Variants in CFAP100 observed in about 807,000 individuals in gnomAD.
CFAP100 encodes the protein cilia and flagella associated protein 100.
A neutral mutation model predicts 81.5 loss-of-function variants in CFAP100; 70 were observed. The ratio of observed to expected loss-of-function variants is 0.86; its 90% CI spans 0.71 to 1.05. The LOEUF (loss-of-function observed/expected upper bound fraction) is 1.05. Ranked by LOEUF, CFAP100 falls within the 50% of genes least tolerant of loss-of-function variation. The pLI is 0.00. For missense variants in CFAP100, 811 were observed against 776.5 expected, an observed-to-expected ratio of 1.04 and a Z score of -0.53; for synonymous variants, 341 against 314.8, an observed-to-expected ratio of 1.08 and a Z score of -0.88.
At chr3:126,432,352 C>T (rs1003727278) in intron 13 of CFAP100, among the ~76,000 whole-genome samples, 5 of 150,036 alleles carry the variant, frequency 3.3e-5, no homozygotes, top group South Asian at 4.2e-4. Context: ...GATATATATT[C>T]GTGAGAATTG....
chr3:126,430,661 A>C (rs1042033812), intron 13 of CFAP100, among the ~76,000 whole-genome samples: 1 of 150,114 alleles, frequency 6.7e-6, no homozygotes, highest in Non-Finnish European at 1.5e-5. Context: ...CATGTGACCT[A>C]TCTCTGAGTT....
intron 2 of CFAP100, 49 bp downstream of exon 2, chr3:126,396,098 G>A (rs374571632): frequency 2.6e-5 from 38 of 1,449,738 alleles, no homozygotes; most frequent in Middle Eastern, 1.7e-4. Flanking sequence ...GGGCAGCTTC[G>A]GAGCCTGTCC....
chr3:126,431,762 TTTG>T (rs1933239795), intron 13 of CFAP100, among the ~76,000 whole-genome samples: 1 of 152,146 alleles, frequency 6.6e-6, no homozygotes, highest in East Asian at 1.9e-4. Flanking sequence ...TTGCCATCCA[TTTG>T]TTGAAGAAAC....
intron 4 of CFAP100, among the ~76,000 whole-genome samples, chr3:126,415,332 A>G (rs1285216887): frequency 1.2e-4 from 1 of 8,244 alleles, no homozygotes; most frequent in African/African-American, 5.4e-4. Context: ...ACCCTCCCCC[A>G]CCCAGCAGGG....
intron 2 of CFAP100, among the ~76,000 whole-genome samples, chr3:126,404,948 C>T (rs960665651): frequency 6.6e-6 from 1 of 152,190 alleles, no homozygotes; most frequent in Admixed American, 6.5e-5. Flanking sequence ...GGATTACAGG[C>T]GTGAGCCACC....
At chr3:126,407,457 A>T (rs570827020) in intron 3 of CFAP100, among the ~76,000 whole-genome samples, 20 of 152,314 alleles carry the variant, frequency 1.3e-4, no homozygotes, top group African/African-American at 4.6e-4. Flanking sequence ...GAAATGTGGG[A>T]CGAAATGCAG....
intron 4 of CFAP100, among the ~76,000 whole-genome samples, chr3:126,414,632 C>T (rs759358057): frequency 1.5e-4 from 23 of 152,248 alleles, no homozygotes; most frequent in Admixed American, 6.5e-5. Context: ...CACACACAGC[C>T]GCCCACGGCA....
Position 126,434,262 on chromosome 3 carries a change from C to G in CFAP100, c.1509C>G (p.Thr503=). The change falls in exon 15 of 17, where the codon ACC becomes ACG. Residue 503 remains threonine (T), a synonymous_variant. Coordinates refer to ENST00000352312, the MANE Select transcript of CFAP100 (RefSeq NM_182628.3). The part of the protein sequence containing the change: ...TGTQQEANLG[T]VQMLTIIEHQ... ...CCCAGCAGGAGGCCAACCTGGGCAC[C>G]GTGCAGATGCTGACCATCATTGAGC... 6.2e-7 allele frequency: 1 copy of G among 1,614,010 alleles called. No individual in the cohort carries two copies. Among genetic ancestry groups the G allele is most frequent in the Non-Finnish European group, 8.5e-7 (1 of 1,180,026 alleles).
At chr3:126,431,883 A>G (rs1383307609) in intron 13 of CFAP100, among the ~76,000 whole-genome samples, 2 of 152,104 alleles carry the variant, frequency 1.3e-5, no homozygotes, top group Non-Finnish European at 2.9e-5. Context: ...GTCAAGGCCT[A>G]AGACTCTGCA....
At chr3:126,419,032 G>T (rs577561358) in intron 7 of CFAP100, 44 bp from the exon 8 acceptor site, 2 of 1,140,002 alleles carry the variant, frequency 1.8e-6, no homozygotes, top group African/African-American at 1.5e-5. Flanking sequence ...GGCTGCCACT[G>T]GCCCCTTGCC....
chr3:126,397,168 A>G (rs1576609604), intron 2 of CFAP100, among the ~76,000 whole-genome samples: 1 of 152,226 alleles, frequency 6.6e-6, no homozygotes, highest in Admixed American at 6.5e-5. Context: ...TTATCAATAC[A>G]TCAAGAATTC....
chr3:126,417,794 A>G (rs1266873223), intron 5 of CFAP100, among the ~76,000 whole-genome samples: 1 of 152,226 alleles, frequency 6.6e-6, no homozygotes, highest in Non-Finnish European at 1.5e-5. Flanking sequence ...CCTGGAGAGG[A>G]AAGGGTGTGA....
chr3:126,432,486 G>A (rs1465215683), intron 13 of CFAP100, among the ~76,000 whole-genome samples: 2 of 152,100 alleles, frequency 1.3e-5, no homozygotes, highest in Non-Finnish European at 1.5e-5. Flanking sequence ...TGTGGCCTAC[G>A]TATGCAATGG....
In CFAP100 at chr3:126,429,107, CAAAAAAAAAAAA is replaced by C. The variant is rs57773311; in HGVS notation, c.1287-3946_1287-3935del. On this transcript the variant is annotated intron_variant, in intron 13 of 16. Coordinates refer to ENST00000352312, the MANE Select transcript of CFAP100 (RefSeq NM_182628.3). ...CTGGGTGATAGAGTGCGTCTCCATC[CAAAAAAAAAAAA>C]AAAAAAAAAAAAAAAGAAAGGATTA... Among the ~76,000 whole-genome samples, 32 of 95,768 alleles carry C rather than the reference CAAAAAAAAAAAA, an allele frequency of 3.3e-4. No homozygotes were observed. In the East Asian group the frequency reaches 6.0e-3, roughly 18 times the overall value. The allele number at this position is 95,768 out of a possible 152,430, so 62.8% of individuals were successfully genotyped here.
At chr3:126,400,751 CA>C (rs142983438) in intron 2 of CFAP100, among the ~76,000 whole-genome samples, 5 of 143,408 alleles carry the variant, frequency 3.5e-5, no homozygotes, top group African/African-American at 1.0e-4. Flanking sequence ...GACTCCGTCT[CA>C]AAAAAAAAAG....
chr3:126,427,754 A>G (rs1332660768), intron 13 of CFAP100, among the ~76,000 whole-genome samples: 1 of 152,086 alleles, frequency 6.6e-6, no homozygotes, highest in Non-Finnish European at 1.5e-5. Context: ...GGCCATTCCA[A>G]TAGATGTGTA....
intron 14 of CFAP100, chr3:126,433,909 G>A (rs1933342098): frequency 4.2e-6 from 2 of 476,434 alleles, no homozygotes; most frequent in South Asian, 5.0e-5. Flanking sequence ...TGGAGGAGGG[G>A]ACTGGGCCCC....
Position 126,418,445 on chromosome 3 carries a change from C to T in CFAP100, c.419-13C>T, listed in dbSNP as rs2083275803. 1.2e-6 allele frequency: 2 copies of T among 1,613,822 alleles called. No homozygotes were observed. The highest frequency in any genetic ancestry group is 1.7e-6 in the Non-Finnish European group (2 of 1,179,950). On this transcript the variant is annotated splice_polypyrimidine_tract_variant and intron_variant, in intron 5 of 16. Coordinates refer to ENST00000352312, the MANE Select transcript of CFAP100 (RefSeq NM_182628.3). Reference sequence around the variant, plus strand: ...GCTTCCCGCTCCTGCTCACCTCCCTCTTCTTCCAGCAGAAAAGAATGTGGA... The same window carrying T: ...GCTTCCCGCTCCTGCTCACCTCCCTTTTCTTCCAGCAGAAAAGAATGTGGA...
At chr3:126,399,404 G>C (rs1304328412) in intron 2 of CFAP100, among the ~76,000 whole-genome samples, 1 of 151,990 alleles carries the variant, frequency 6.6e-6, no homozygotes, top group Non-Finnish European at 1.5e-5. Context: ...AGAGTCATTA[G>C]GCAAGAAAAA....
Sources: allele counts gnomAD v4.1 joint callset (sites outside exome capture counted in the v4.1 genomes callset), GRCh38; gene constraint gnomAD v4.1.1; transcripts MANE v1.5; gene names NCBI Gene and HGNC (gene_info 2026-07-23, HGNC 2026-07-21).